Variants in TRAPPC6A observed in about 807,000 individuals in gnomAD.
The protein encoded by TRAPPC6A is trafficking protein particle complex subunit 6A.
Under a neutral mutation model 20.8 loss-of-function variants are expected in TRAPPC6A, and 25 were observed. The ratio of observed to expected loss-of-function variants is 1.20; its 90% CI spans 0.88 to 1.68. The LOEUF (loss-of-function observed/expected upper bound fraction) is 1.68. Among genes scored for constraint, TRAPPC6A ranks in the 40% most tolerant of loss-of-function variants. The probability of loss-of-function intolerance (pLI) is 0.00; values close to 1 mark genes in which losing one functional copy is unlikely to be tolerated. For synonymous variants in TRAPPC6A, 96 were observed against 93.3 expected (o/e 1.03, Z -0.16); for missense variants, 215 against 211.6 (o/e 1.02, Z -0.10).
intron 1 of TRAPPC6A, among the ~76,000 whole-genome samples, chr19:45,167,639 C>T (rs1272700841): frequency 6.6e-6 from 1 of 152,196 alleles, no homozygotes; most frequent in Non-Finnish European, 1.5e-5. Context: ...TGAGCCACCA[C>T]GCCCGGTTAA....
At chr19:45,166,620 G>A (rs1032447786) in intron 1 of TRAPPC6A, among the ~76,000 whole-genome samples, 5 of 151,832 alleles carry the variant, frequency 3.3e-5, no homozygotes, top group South Asian at 4.2e-4. Context: ...GGCGTGAGGC[G>A]CCAGGTTTTT....
rs1969282253 is a variant in TRAPPC6A, at chr19:45,172,242, G to A, written c.84+5893C>T. Among the ~76,000 whole-genome samples the A allele has an allele frequency of 6.6e-6, 1 of 151,796 alleles. No homozygotes were observed. Among genetic ancestry groups the A allele is most frequent in the Admixed American group, 6.6e-5 (1 of 15,258 alleles). ...GAGCCACCATCCCTGTCCTCAAGGAGCTCTGAAGCTGGTGGGAAAGGCGGC... is the reference window on the plus strand; with the variant it reads ...GAGCCACCATCCCTGTCCTCAAGGAACTCTGAAGCTGGTGGGAAAGGCGGC... On this transcript the variant is annotated intron_variant, in intron 1 of 5. Coordinates refer to ENST00000585934, the MANE Select transcript of TRAPPC6A (RefSeq NM_001270891.2). This position sits in a 1 kb window ranked among gnomAD's most constrained non-coding sequence, Gnocchi z 4.2.
chr19:45,163,360 G>A lies in TRAPPC6A; in HGVS notation c.449-137C>T. 2 of 915,162 alleles carry A rather than the reference G, an allele frequency of 2.2e-6. No individual in the cohort carries two copies. 56.7% of individuals were successfully genotyped at this position (915,162 alleles called of 1,614,324 possible). On this transcript the variant is annotated intron_variant, in intron 5 of 5. Coordinates refer to ENST00000585934, the MANE Select transcript of TRAPPC6A (RefSeq NM_001270891.2). The surrounding 1 kb of genome is among the most constrained non-coding windows in gnomAD (Gnocchi z 5.3). ...TTGGGCTGTTTCCTCCCGCCCACGG[G>A]GCCGCATCCCTGAGCTGTGTGAGTA...
intron 1 of TRAPPC6A, among the ~76,000 whole-genome samples, chr19:45,176,943 C>A (rs1310220806): frequency 6.8e-6 from 1 of 147,826 alleles, no homozygotes; most frequent in Admixed American, 6.7e-5. Context: ...CCAAGATGGG[C>A]AGATCACGAG....
chr19:45,163,147 G>A lies in TRAPPC6A; in HGVS notation c.*45C>T. On this transcript the variant is annotated 3_prime_UTR_variant, in exon 6 of 6. Transcript: ENST00000585934. This position sits in a 1 kb window ranked among gnomAD's most constrained non-coding sequence, Gnocchi z 5.3. The stretch of plus-strand genomic sequence containing the variant: ...GCGGCCCCACCGTCTCCTGAGGCCG[G>A]TGAGGCCAGGGGCAGCAGTGCGGCT... 1.2e-6 allele frequency: 2 copies of A among 1,612,798 alleles called. No homozygotes were observed. The highest frequency in any genetic ancestry group is 1.7e-6 in the Non-Finnish European group (2 of 1,179,134).
intron 1 of TRAPPC6A, among the ~76,000 whole-genome samples, chr19:45,176,111 G>A (rs1316276185): frequency 6.6e-6 from 1 of 151,882 alleles, no homozygotes; most frequent in East Asian, 1.9e-4. Context: ...TCCCACCTCA[G>A]CCTCCCGAGT....
At position 45,166,061 on chromosome 19, in the gene TRAPPC6A, G is replaced by A. The variant is rs545563478; in HGVS notation, c.85-867C>T. On this transcript the variant is annotated intron_variant, in intron 1 of 5. Transcript: ENST00000585934. Reference sequence around the variant, plus strand: ...AGAGTAGCTGGGACTACAGGGATACGCCACCACACCCTACTAATTTTTTGT... The same window carrying A: ...AGAGTAGCTGGGACTACAGGGATACACCACCACACCCTACTAATTTTTTGT... 1.4e-4 allele frequency among the ~76,000 whole-genome samples: 21 copies of A among 151,358 alleles called. No homozygotes were observed. In the East Asian group the frequency reaches 3.9e-3, roughly 28 times the overall value.
chr19:45,164,212 G>A lies in TRAPPC6A; in HGVS notation c.306C>T (p.Leu102=), dbSNP rs1417542721. 5 of 1,610,338 alleles carry A rather than the reference G, an allele frequency of 3.1e-6. No homozygotes were observed. The highest frequency in any genetic ancestry group is 2.2e-5 in the East Asian group (1 of 44,834). Residue 102 remains leucine (L), a synonymous_variant, in exon 4 of 6, where the codon CTC becomes CTT. Coordinates refer to ENST00000585934, the MANE Select transcript of TRAPPC6A (RefSeq NM_001270891.2). ...GCAGGCCAGAGGCCATCGGGAGGAG[G>A]AGGGGGAAGCTGTTGTCTTGCAGGA... ...TYVLQDNSFP[L]LLPMASGLQY...
intron 1 of TRAPPC6A, among the ~76,000 whole-genome samples, chr19:45,174,944 C>T (rs898476823): frequency 2.7e-5 from 4 of 149,432 alleles, no homozygotes; most frequent in African/African-American, 9.9e-5. Flanking sequence ...CACATTGAAA[C>T]CCCGTCTCTA....
At position 45,173,050 on chromosome 19, in the gene TRAPPC6A, G is replaced by A. The variant is rs914905307; in HGVS notation, c.84+5085C>T. Among the ~76,000 whole-genome samples, 12 of 151,498 alleles carry A rather than the reference G, an allele frequency of 7.9e-5. No homozygotes were observed. The highest frequency in any genetic ancestry group is 1.2e-4 in the Non-Finnish European group (8 of 68,024). ...AGTGCACTCTCGGGGTGTGGTGGAT[G>A]GAGGCCTGGCGCAGCAGGGCTATTC... On this transcript the variant is annotated intron_variant, in intron 1 of 5. Coordinates refer to ENST00000585934, the MANE Select transcript of TRAPPC6A (RefSeq NM_001270891.2). This position sits in a 1 kb window ranked among gnomAD's most constrained non-coding sequence, Gnocchi z 4.8.
In TRAPPC6A at chr19:45,164,727, G is replaced by A. The variant is rs969575193; in HGVS notation, c.270+126C>T. 3.9e-4 allele frequency: 329 copies of A among 849,206 alleles called. 1 individual carries two copies. Among genetic ancestry groups the A allele is most frequent in the Admixed American group, 1.5e-3 (83 of 55,008 alleles). 52.6% of individuals were successfully genotyped at this position (849,206 alleles called of 1,614,324 possible). A position where few individuals can be genotyped will look rare whatever the true frequency, so the allele number is the denominator to read the frequency against. ...GAGGATCAGACAGAGCAAGAGCTGC[G>A]GCCGCCTGTGGGAAAGCTCTGGGCG... On this transcript the variant is annotated intron_variant, in intron 3 of 5. Coordinates refer to ENST00000585934, the MANE Select transcript of TRAPPC6A (RefSeq NM_001270891.2).
chr19:45,163,901 C>A lies in TRAPPC6A; in HGVS notation c.448+15G>T, dbSNP rs561603968. 1.9e-5 allele frequency: 30 copies of A among 1,555,696 alleles called. No individual in the cohort carries two copies. In the South Asian group the frequency reaches 2.8e-4, roughly 15 times the overall value. ...TCAAGGGATGAGAAGAATCCCCCCA[C>A]CCCCCATGACTCACAGACGGGCAGG... On this transcript the variant is annotated intron_variant, in intron 5 of 5. Coordinates refer to ENST00000585934, the MANE Select transcript of TRAPPC6A (RefSeq NM_001270891.2). This position sits in a 1 kb window ranked among gnomAD's most constrained non-coding sequence, Gnocchi z 5.3.
chr19:45,170,538 C>G (rs1969247631), intron 1 of TRAPPC6A, among the ~76,000 whole-genome samples: 1 of 152,142 alleles, frequency 6.6e-6, no homozygotes, highest in Admixed American at 6.5e-5. Context: ...TTCAGCCAGG[C>G]CAGGAGCGTG....
In TRAPPC6A at chr19:45,164,233, C is replaced by A. The variant is rs755335611; in HGVS notation, c.285G>T (p.Leu95=). The change falls in exon 4 of 6, where the codon CTG becomes CTT. Residue 95 remains leucine, a synonymous_variant. Coordinates refer to ENST00000585934, the MANE Select transcript of TRAPPC6A (RefSeq NM_001270891.2). ...GGAGGAGGGGGAAGCTGTTGTCTTG[C>A]AGGACGTAGGTCCCCTGGGGGAGAG... is the stretch of plus-strand genomic sequence containing the variant. ...LRTNHQGTYV[L]QDNSFPLLLP... 3.7e-6 allele frequency: 6 copies of A among 1,606,618 alleles called. No homozygotes were observed. The South Asian group carries it at 6.7e-5, about 18-fold the overall frequency.
At chr19:45,168,431 C>T in intron 1 of TRAPPC6A, among the ~76,000 whole-genome samples, 1 of 152,212 alleles carries the variant, frequency 6.6e-6, no homozygotes, top group South Asian at 2.1e-4. Context: ...GGACCCTGGA[C>T]AGAACGCCAT....
At chr19:45,164,036 G>T in intron 4 of TRAPPC6A, 27 bp from the exon 5 acceptor site, 4 of 1,560,450 alleles carry the variant, frequency 2.6e-6, no homozygotes, top group Non-Finnish European at 3.5e-6. Flanking sequence ...GACCAGCATG[G>T]GAAGAGAGGG....
At chr19:45,178,033 G>C in intron 1 of TRAPPC6A, 102 bp downstream of exon 1, 1 of 1,578,118 alleles carries the variant, frequency 6.3e-7, no homozygotes, top group Non-Finnish European at 8.6e-7. Flanking sequence ...GCAAGGCCGG[G>C]GCTGGGCCGG....
chr19:45,164,088 GA>G, intron 4 of TRAPPC6A, 75 bp downstream of exon 4: 1 of 1,546,076 alleles, frequency 6.5e-7, no homozygotes, highest in Non-Finnish European at 8.8e-7. Context: ...TAGGCCTGGG[GA>G]AAGGCCTGAT....
chr19:45,176,885 T>C (rs1184779286), intron 1 of TRAPPC6A, among the ~76,000 whole-genome samples: 1 of 135,412 alleles, frequency 7.4e-6, no homozygotes, highest in Admixed American at 7.0e-5. Context: ...AAAAAAAAAA[T>C]TGGCCGGGTG....
Sources: gnomAD v4.1 joint callset for allele counts (sites outside exome capture counted in the v4.1 genomes callset) on GRCh38, gnomAD v4.1.1 for gene constraint, Gnocchi (gnomAD v3.1) non-coding constraint, MANE v1.5 for transcripts, NCBI Gene and HGNC (gene_info 2026-07-23, HGNC 2026-07-21) for gene names.